PAQR5: variants seen among roughly 807,000 people sequenced by gnomAD.
The protein encoded by PAQR5 is progestin and adipoQ receptor family member 5.
In PAQR5, 20 loss-of-function variants were observed where a neutral mutation model predicts 34.5. That is an observed-to-expected ratio of 0.58 (90% CI 0.41 to 0.84). The LOEUF (loss-of-function observed/expected upper bound fraction) is 0.84. PAQR5 is among the 40% of genes least tolerant of loss of function. The pLI is 0.00. For synonymous variants in PAQR5, 131 were observed against 155.6 expected, an observed-to-expected ratio of 0.84 and a Z score of 1.18; for missense variants, 378 against 412.7, an observed-to-expected ratio of 0.92 and a Z score of 0.73.
chr15:69,375,704 C>G (rs927875677), intron 3 of PAQR5, among the ~76,000 whole-genome samples: 1 of 152,144 alleles, frequency 6.6e-6, no homozygotes, highest in Admixed American at 6.5e-5. Context: ...CCTAACCTCT[C>G]CAGGCCTCAG....
chr15:69,319,540 A>G (rs1161973492), intron 1 of PAQR5, among the ~76,000 whole-genome samples: 2 of 151,846 alleles, frequency 1.3e-5, no homozygotes, highest in Admixed American at 6.6e-5. Context: ...CCTGATTCAG[A>G]AGGTTCGAGA....
At chr15:69,311,038 C>CAAAAAAAAAAAAAAAAAAAAAAAAAAAAA (rs760679672) in intron 1 of PAQR5, among the ~76,000 whole-genome samples, 1 of 36,120 alleles carries the variant, frequency 2.8e-5, no homozygotes, top group Non-Finnish European at 5.6e-5. Flanking sequence ...GACTCCGTCG[C>CAAAAAAAAAAAAAAAAAAAAAAAAAAAAA]AAAAAATAAA....
chr15:69,318,868 C>A (rs574633436), intron 1 of PAQR5, among the ~76,000 whole-genome samples: 1 of 151,796 alleles, frequency 6.6e-6, no homozygotes, highest in Non-Finnish European at 1.5e-5. Context: ...CAGTGGCTCA[C>A]GCCTGTAATC....
chr15:69,379,456 A>G (rs1250166822), intron 3 of PAQR5: 1 of 985,338 alleles, frequency 1.0e-6, no homozygotes, highest in Admixed American at 6.1e-5. Flanking sequence ...CATCTTCTGC[A>G]GAGTTCTTCC....
chr15:69,368,062 CT>C (rs5813535), intron 3 of PAQR5, among the ~76,000 whole-genome samples: 1 of 148,444 alleles, frequency 6.7e-6, no homozygotes, highest in African/African-American at 2.5e-5. Context: ...AGGCTTTCTG[CT>C]TTTTTTTTTA....
intron 2 of PAQR5, among the ~76,000 whole-genome samples, chr15:69,337,803 A>G (rs182749372): frequency 1.3e-5 from 2 of 152,320 alleles, no homozygotes; most frequent in East Asian, 1.9e-4. Flanking sequence ...CTTGCTTTTA[A>G]AAAAATGGGG....
chr15:69,332,286 G>A lies in PAQR5; in HGVS notation c.-276-5055G>A, dbSNP rs113217927. Among the ~76,000 whole-genome samples, 514 of 152,332 alleles carry A rather than the reference G, an allele frequency of 3.4e-3. 1 individual carries two copies. The highest frequency in any genetic ancestry group is 5.0e-3 in the Non-Finnish European group (342 of 68,028). ...GGACCCCTATAAGCCCGCTTTTCAA[G>A]CCAGCTTGGCAGGCTGGTCAGTTAC... On this transcript the variant is annotated intron_variant, in intron 1 of 8. Transcript: ENST00000395407.
At chr15:69,356,716 G>T (rs951747867) in intron 2 of PAQR5, among the ~76,000 whole-genome samples, 1 of 152,138 alleles carries the variant, frequency 6.6e-6, no homozygotes, top group South Asian at 2.1e-4. Flanking sequence ...CAGGTGCCTT[G>T]TACCTGTGGA....
intron 1 of PAQR5, among the ~76,000 whole-genome samples, chr15:69,313,849 G>A (rs1333288059): frequency 6.6e-6 from 1 of 152,092 alleles, no homozygotes; most frequent in Non-Finnish European, 1.5e-5. Flanking sequence ...CAGTGAGGGT[G>A]GGGATCTGTG....
In PAQR5 at chr15:69,403,600, T is replaced by C. The variant is rs1199898234; in HGVS notation, c.771T>C (p.Phe257=). The change falls in exon 9 of 9, where the codon TTT becomes TTC. Residue 257 remains phenylalanine (F), a synonymous_variant. Transcript: ENST00000395407. The part of the protein sequence containing the change: ...FDYIGHSHQL[F]HVCVILATHM... ...CCATAGGTCACAGTCACCAGCTGTT[T>C]CACGTGTGTGTGATCCTGGCCACGC... 6.2e-7 allele frequency: 1 copy of C among 1,614,190 alleles called. No individual in the cohort carries two copies. The highest frequency in any genetic ancestry group is 2.2e-5 in the East Asian group (1 of 44,890).
intron 3 of PAQR5, among the ~76,000 whole-genome samples, chr15:69,363,022 C>T (rs2055282816): frequency 6.6e-6 from 1 of 152,164 alleles, no homozygotes; most frequent in Non-Finnish European, 1.5e-5. Flanking sequence ...TATGGAGTGG[C>T]AGGTGCCTGC....
chr15:69,404,056 G>A lies in PAQR5; in HGVS notation c.*234G>A. ...TATGGTTCAAGCAAGTCCTTGTTAA[G>A]GCAAACTATTGATATTTCATTAATT... is the stretch of plus-strand genomic sequence containing the variant. On this transcript the variant is annotated 3_prime_UTR_variant, in exon 9 of 9. Coordinates refer to ENST00000395407, the MANE Select transcript of PAQR5 (RefSeq NM_017705.4). 8.6e-6 allele frequency: 4 copies of A among 465,182 alleles called. No individual in the cohort carries two copies. The highest frequency in any genetic ancestry group is 2.0e-5 in the African/African-American group (1 of 50,806). 28.8% of individuals were successfully genotyped at this position (465,182 alleles called of 1,614,324 possible). A position where few individuals can be genotyped will look rare whatever the true frequency, so the allele number is the denominator to read the frequency against.
intron 1 of PAQR5, among the ~76,000 whole-genome samples, chr15:69,312,551 G>A (rs1313272315): frequency 6.6e-6 from 1 of 151,394 alleles, no homozygotes; most frequent in African/African-American, 2.4e-5. Flanking sequence ...CAGCAGCGGG[G>A]GAACTTCGCT....
intron 2 of PAQR5, among the ~76,000 whole-genome samples, chr15:69,346,869 T>C (rs1442692572): frequency 6.6e-6 from 1 of 151,960 alleles, no homozygotes; most frequent in Admixed American, 6.6e-5. Context: ...CAGGCTGGAG[T>C]GCAGTGGTGC....
intron 2 of PAQR5, among the ~76,000 whole-genome samples, chr15:69,338,935 A>G (rs1342411829): frequency 6.6e-6 from 1 of 152,158 alleles, no homozygotes; most frequent in Non-Finnish European, 1.5e-5. Flanking sequence ...ATGATTTAGG[A>G]ATCTTGCAGT....
At chr15:69,321,279 C>A (rs900687239) in intron 1 of PAQR5, among the ~76,000 whole-genome samples, 1 of 152,178 alleles carries the variant, frequency 6.6e-6, no homozygotes, top group African/African-American at 2.4e-5. Flanking sequence ...GTTATTCTCT[C>A]ATTTTCAAAG....
intron 1 of PAQR5, among the ~76,000 whole-genome samples, chr15:69,303,183 A>T (rs956596321): frequency 6.6e-6 from 1 of 152,148 alleles, no homozygotes; most frequent in Non-Finnish European, 1.5e-5. Flanking sequence ...GGAGACTGAG[A>T]CCCAGAGGCG....
intron 1 of PAQR5, among the ~76,000 whole-genome samples, chr15:69,306,296 G>A (rs1179456518): frequency 2.0e-5 from 3 of 150,188 alleles, no homozygotes; most frequent in African/African-American, 7.3e-5. Context: ...GTGTTATTTT[G>A]TTGTTACCTT....
intron 3 of PAQR5, among the ~76,000 whole-genome samples, chr15:69,365,536 G>C (rs1020583336): frequency 6.6e-6 from 1 of 152,032 alleles, no homozygotes; most frequent in African/African-American, 2.4e-5. Context: ...TTTTGTTTTT[G>C]GTTTAAATAC....
Sources: gnomAD v4.1 joint callset for allele counts (sites outside exome capture counted in the v4.1 genomes callset) on GRCh38, gnomAD v4.1.1 for gene constraint, MANE v1.5 for transcripts, NCBI Gene and HGNC (gene_info 2026-07-23, HGNC 2026-07-21) for gene names.